Variants in DNAJC3 observed in about 807,000 individuals in gnomAD.
DNAJC3 encodes the protein dnaJ homolog subfamily C member 3.
DNAJC3 carries 38 observed loss-of-function variants against 68.6 expected under a neutral mutation model. The observed-to-expected ratio is 0.55, with a 90% CI of 0.43 to 0.73. DNAJC3 has a LOEUF of 0.73. Ranked by LOEUF, DNAJC3 falls within the 30% of genes least tolerant of loss-of-function variation. The probability of loss-of-function intolerance (pLI) is 0.00; values close to 1 mark genes in which losing one functional copy is unlikely to be tolerated. For missense variants in DNAJC3, 526 were observed against 591.9 expected (o/e 0.89, Z 1.16); for synonymous variants, 203 against 204.0 (o/e 1.00, Z 0.04).
rs3086610 is a variant in DNAJC3 at position 95,679,199 on chromosome 13, C to CTTTTTTT, written c.82+1877_82+1883dup. ...TGGCAGCTGAGAAAAAAAATCAGCACTTTTTTTTTTTTTTTTTTTTTGTAA... is the reference window on the plus strand; with the variant it reads ...TGGCAGCTGAGAAAAAAAATCAGCACTTTTTTTTTTTTTTTTTTTTTTTTTTTTGTAA... On this transcript the variant is annotated intron_variant, in intron 1 of 11. Transcript: ENST00000602402. Among the ~76,000 whole-genome samples the CTTTTTTT allele has an allele frequency of 6.0e-4, 65 of 108,374 alleles. 1 individual carries two copies. The highest frequency in any genetic ancestry group is 2.4e-3 in the African/African-American group (62 of 25,434). The allele number at this position is 108,374 out of a possible 152,430, so 71.1% of individuals were successfully genotyped here.
intron 1 of DNAJC3, among the ~76,000 whole-genome samples, chr13:95,696,568 TA>T (rs145183588): frequency 0.017 from 2,606 of 152,072 alleles, 81 homozygotes; most frequent in African/African-American, 0.06. Flanking sequence ...TTGCCTTTTT[TA>T]AAAAAAAATT....
chr13:95,713,402 A>G (rs1283322407), intron 2 of DNAJC3, among the ~76,000 whole-genome samples: 3 of 152,230 alleles, frequency 2.0e-5, no homozygotes, highest in African/African-American at 7.2e-5. Flanking sequence ...AAACAAATAT[A>G]AAAAACACCT....
chr13:95,686,024 C>CGA (rs957402919), intron 1 of DNAJC3, among the ~76,000 whole-genome samples: 1 of 151,478 alleles, frequency 6.6e-6, no homozygotes, highest in Non-Finnish European at 1.5e-5. Context: ...TGCAGTGGCA[C>CGA]GATCTTGGCT....
intron 2 of DNAJC3, among the ~76,000 whole-genome samples, chr13:95,709,703 G>A (rs910851927): frequency 6.9e-6 from 1 of 145,082 alleles, no homozygotes; most frequent in African/African-American, 2.6e-5. Context: ...GCAGTGGCAC[G>A]ATCTTGGCTC....
intron 1 of DNAJC3, among the ~76,000 whole-genome samples, chr13:95,697,748 T>G (rs1382685249): frequency 1.3e-5 from 2 of 151,938 alleles, no homozygotes; most frequent in Non-Finnish European, 2.9e-5. Flanking sequence ...TCTTTTTTTT[T>G]GTCTGACTGG....
intron 9 of DNAJC3, among the ~76,000 whole-genome samples, chr13:95,782,832 T>G (rs1883492392): frequency 1.3e-5 from 2 of 152,230 alleles, no homozygotes; most frequent in African/African-American, 4.8e-5. Context: ...TTAGATCCCA[T>G]TTGTCAATTT....
intron 2 of DNAJC3, among the ~76,000 whole-genome samples, chr13:95,717,549 A>G (rs1881190271): frequency 6.6e-6 from 1 of 152,174 alleles, no homozygotes; most frequent in Non-Finnish European, 1.5e-5. Context: ...CCGTATCTAG[A>G]TGATATGGTT....
intron 1 of DNAJC3, among the ~76,000 whole-genome samples, chr13:95,698,047 C>T (rs1268153028): frequency 6.6e-6 from 1 of 151,838 alleles, no homozygotes; most frequent in Non-Finnish European, 1.5e-5. Context: ...CTGGTTTTTT[C>T]TCATCTAGAG....
At chr13:95,770,878 G>A (rs532003043) in intron 9 of DNAJC3, among the ~76,000 whole-genome samples, 12 of 152,234 alleles carry the variant, frequency 7.9e-5, no homozygotes, top group African/African-American at 2.9e-4. Context: ...ATAAAACGTA[G>A]TAGTAGGAAA....
intron 1 of DNAJC3, among the ~76,000 whole-genome samples, chr13:95,697,489 T>C (rs571640193): frequency 7.2e-5 from 11 of 152,358 alleles, no homozygotes; most frequent in African/African-American, 2.6e-4. Flanking sequence ...CTACATTCCT[T>C]GGTTATGTTC....
intron 4 of DNAJC3, among the ~76,000 whole-genome samples, chr13:95,738,309 G>A (rs866228506): frequency 0.011 from 1,618 of 150,428 alleles, 29 homozygotes; most frequent in African/African-American, 0.038. Flanking sequence ...GTTGATTTGG[G>A]GTGGAGAGTT....
chr13:95,773,338 T>A (rs2139685995), intron 9 of DNAJC3, among the ~76,000 whole-genome samples: 1 of 151,652 alleles, frequency 6.6e-6, no homozygotes, highest in East Asian at 1.9e-4. Context: ...ACCTGGCTAG[T>A]TTTTGTATTT....
chr13:95,690,560 G>C (rs1185714917), intron 1 of DNAJC3, among the ~76,000 whole-genome samples: 3 of 150,894 alleles, frequency 2.0e-5, no homozygotes, highest in African/African-American at 7.3e-5. Context: ...CAGTAGGGGC[G>C]GCCGGGCAGA....
chr13:95,763,999 G>A, intron 9 of DNAJC3, 46 bp downstream of exon 9: 1 of 1,590,996 alleles, frequency 6.3e-7, no homozygotes, highest in Non-Finnish European at 8.6e-7. Flanking sequence ...TGTTGATTAG[G>A]AAATTATCAC....
intron 4 of DNAJC3, 110 bp from the exon 5 acceptor site, chr13:95,757,534 C>G (rs924323254): frequency 8.7e-7 from 1 of 1,152,436 alleles, no homozygotes; most frequent in East Asian, 2.6e-5. Flanking sequence ...ATCTCTTTAC[C>G]CTTTTTACCC....
intron 9 of DNAJC3, among the ~76,000 whole-genome samples, chr13:95,764,383 A>ATG (rs1882915094): frequency 6.8e-6 from 1 of 147,282 alleles, no homozygotes; most frequent in South Asian, 2.1e-4. Flanking sequence ...CTCTATATAT[A>ATG]TATATATATA....
chr13:95,736,072 A>G (rs1881906638), intron 4 of DNAJC3, among the ~76,000 whole-genome samples: 1 of 152,112 alleles, frequency 6.6e-6, no homozygotes, highest in African/African-American at 2.4e-5. Context: ...CATTTATTGA[A>G]TAGGGAATCC....
chr13:95,707,689 AAT>A lies in DNAJC3; in HGVS notation c.83-1537_83-1536del. 2.0e-5 allele frequency among the ~76,000 whole-genome samples: 3 copies of A among 152,320 alleles called. No individual in the cohort carries two copies. In the East Asian group the frequency reaches 5.8e-4, roughly 29 times the overall value. On this transcript the variant is annotated intron_variant, in intron 1 of 11. Coordinates refer to ENST00000602402, the MANE Select transcript of DNAJC3 (RefSeq NM_006260.5). ...GTAGTTACTTAGAAAGGGGAAGTTT[AAT>A]CTAAGAACTGTTAAGTTGTGATAGG...
Position 95,677,154 on chromosome 13 carries a change from T to C in DNAJC3, c.-102T>C, listed in dbSNP as rs531684144. On this transcript the variant is annotated 5_prime_UTR_variant, in exon 1 of 12. Transcript: ENST00000602402. ...GCTGGGCTCCAGAGCCACTGAGGCCTGAGCGAGAGCCGACGGCGGGCGGGC... is the reference window on the plus strand; with the variant it reads ...GCTGGGCTCCAGAGCCACTGAGGCCCGAGCGAGAGCCGACGGCGGGCGGGC... 10 of 1,101,928 alleles carry C rather than the reference T, an allele frequency of 9.1e-6. No homozygotes were observed. Among genetic ancestry groups the C allele is most frequent in the South Asian group, 1.5e-5 (1 of 66,542 alleles). 68.3% of individuals were successfully genotyped at this position (1,101,928 alleles called of 1,614,324 possible).
Sources: allele counts gnomAD v4.1 joint callset (sites outside exome capture counted in the v4.1 genomes callset), GRCh38; gene constraint gnomAD v4.1.1; transcripts MANE v1.5; gene names NCBI Gene and HGNC (gene_info 2026-07-23, HGNC 2026-07-21).